KLHL4: variants seen among roughly 807,000 people sequenced by gnomAD.
The protein encoded by KLHL4 is kelch-like protein 4.
A neutral mutation model predicts 45.8 loss-of-function variants in KLHL4; 17 were observed. The observed-to-expected ratio is 0.37, with a 90% CI of 0.25 to 0.56. The LOEUF is 0.56. Ranked by LOEUF, KLHL4 falls within the 20% of genes least tolerant of loss-of-function variation. The pLI is 0.79. For missense variants in KLHL4, 544 were observed against 544.9 expected, an observed-to-expected ratio of 1.00 and a Z score of 0.02; for synonymous variants, 224 against 189.9, an observed-to-expected ratio of 1.18 and a Z score of -1.47.
At chrX:87,596,243 G>A (rs1036508379) in intron 1 of KLHL4, among the ~76,000 whole-genome samples, 2 of 112,029 alleles carry the variant, frequency 1.8e-5, no homozygotes, top group East Asian at 5.6e-4. Context: ...AAATGACATA[G>A]TGTCAGATAA....
chrX:87,529,576 T>A (rs11797227), intron 1 of KLHL4, among the ~76,000 whole-genome samples: 25,704 of 110,347 alleles, frequency 0.23, 2,382 homozygotes, highest in Non-Finnish European at 0.28. Context: ...TTAATCTTGA[T>A]CTTTTATTAT....
At chrX:87,661,503 C>T (rs1924188002) in intron 9 of KLHL4, among the ~76,000 whole-genome samples, 1 of 111,054 alleles carries the variant, frequency 9.0e-6, no homozygotes, top group Non-Finnish European at 1.9e-5. Context: ...CATATTCTAG[C>T]ACCATAGAGT....
In KLHL4 at chrX:87,592,863, G is replaced by A. The variant is rs750617689; in HGVS notation, c.423-21014G>A. ...GCAAATATTTTATCCCATTCTGTGG[G>A]TTGTATCTTCACTTTTTTGATTGTT... On this transcript the variant is annotated intron_variant, in intron 1 of 10. Coordinates refer to ENST00000373119, the MANE Select transcript of KLHL4 (RefSeq NM_019117.5). Among the ~76,000 whole-genome samples the A allele has an allele frequency of 4.5e-5, 5 of 111,820 alleles. No homozygotes were observed. In the South Asian group the frequency reaches 1.9e-3, roughly 42 times the overall value.
chrX:87,612,069 A>G (rs1204107835), intron 1 of KLHL4, among the ~76,000 whole-genome samples: 1 of 112,236 alleles, frequency 8.9e-6, no homozygotes, highest in Non-Finnish European at 1.9e-5. Context: ...TAAAGTTTGT[A>G]AAGTAAAAAA....
intron 1 of KLHL4, among the ~76,000 whole-genome samples, chrX:87,530,845 C>T (rs1259592840): frequency 9.2e-6 from 1 of 108,579 alleles, no homozygotes; most frequent in Non-Finnish European, 1.9e-5. Flanking sequence ...GGAATCGCCA[C>T]ACTGACTTCC....
At chrX:87,544,707 G>A (rs1602408643) in intron 1 of KLHL4, among the ~76,000 whole-genome samples, 1 of 111,822 alleles carries the variant, frequency 8.9e-6, no homozygotes, top group East Asian at 2.8e-4. Flanking sequence ...CATCAAGGCA[G>A]TACCTCTATG....
At chrX:87,530,259 T>G (rs1020469663) in intron 1 of KLHL4, among the ~76,000 whole-genome samples, 3 of 109,963 alleles carry the variant, frequency 2.7e-5, no homozygotes, top group Non-Finnish European at 5.7e-5. Flanking sequence ...GTTTTAGGTC[T>G]AACATTTAAG....
intron 9 of KLHL4, among the ~76,000 whole-genome samples, chrX:87,659,973 T>TGTGTGTGTGCAC (rs1233746320): frequency 1.8e-5 from 2 of 110,569 alleles, no homozygotes; most frequent in African/African-American, 6.6e-5. Context: ...TGTGTGTGTG[T>TGTGTGTGTGCAC]GTGTGTGTGC....
chrX:87,642,601 A>G (rs1330925638), intron 9 of KLHL4, among the ~76,000 whole-genome samples: 2 of 112,500 alleles, frequency 1.8e-5, no homozygotes, highest in African/African-American at 6.5e-5. Flanking sequence ...TAAGCTAATC[A>G]GGGAGGGACC....
intron 9 of KLHL4, among the ~76,000 whole-genome samples, chrX:87,641,923 G>A (rs1405283415): frequency 5.6e-5 from 6 of 108,105 alleles, no homozygotes; most frequent in Non-Finnish European, 1.2e-4. Flanking sequence ...GACATGCCTA[G>A]CCCCACCCCC....
At chrX:87,630,330 A>G (rs1199596844) in intron 6 of KLHL4, among the ~76,000 whole-genome samples, 1 of 111,221 alleles carries the variant, frequency 9.0e-6, no homozygotes, top group African/African-American at 3.3e-5. Context: ...GATTTTGTGT[A>G]ATTGGGATGA....
At chrX:87,533,859 GA>G (rs1931368137) in intron 1 of KLHL4, among the ~76,000 whole-genome samples, 1 of 111,054 alleles carries the variant, frequency 9.0e-6, no homozygotes, top group Non-Finnish European at 1.9e-5. Context: ...AGGAATTCAA[GA>G]GCTTTCTGTA....
intron 1 of KLHL4, among the ~76,000 whole-genome samples, chrX:87,575,402 G>A (rs1380593795): frequency 1.8e-5 from 2 of 111,525 alleles, no homozygotes; most frequent in African/African-American, 3.3e-5. Flanking sequence ...GTCTCATCCC[G>A]AAACCATCCC....
intron 9 of KLHL4, among the ~76,000 whole-genome samples, chrX:87,647,393 C>T (rs765331386): frequency 3.3e-4 from 37 of 111,557 alleles, no homozygotes; most frequent in Non-Finnish European, 1.1e-4. Context: ...GGGTATCTAT[C>T]GAGAGGAAAA....
At position 87,614,397 on chromosome X, in the gene KLHL4, A is replaced by G. The variant is rs1368137691; in HGVS notation, c.591-37A>G. The G allele has an allele frequency of 3.4e-6, 4 of 1,169,364 alleles. No individual in the cohort carries two copies. The African/African-American group carries it at 7.1e-5, about 21-fold the overall frequency. On this transcript the variant is annotated intron_variant, in intron 2 of 10. Transcript: ENST00000373119. ...TTCATGCTTTTCAGTGAAATTATTG[A>G]CTCATTTAAATTCCTACAAATATTT...
intron 10 of KLHL4, among the ~76,000 whole-genome samples, chrX:87,665,175 A>T (rs1355796405): frequency 9.0e-6 from 1 of 111,270 alleles, no homozygotes; most frequent in Non-Finnish European, 1.9e-5. Context: ...ATAAAAGGGG[A>T]CAGACCATTC....
At chrX:87,563,686 G>A (rs1300297038) in intron 1 of KLHL4, among the ~76,000 whole-genome samples, 1 of 108,250 alleles carries the variant, frequency 9.2e-6, no homozygotes, top group Admixed American at 9.9e-5. Flanking sequence ...AAAGAGATAA[G>A]GGTAGAAAGT....
At chrX:87,645,649 C>A (rs1281889636) in intron 9 of KLHL4, among the ~76,000 whole-genome samples, 1 of 111,397 alleles carries the variant, frequency 9.0e-6, no homozygotes, top group Non-Finnish European at 1.9e-5. Context: ...TGGAACCAAC[C>A]CAGATACCCA....
chrX:87,639,431 C>A (rs1159118641), intron 9 of KLHL4, among the ~76,000 whole-genome samples: 2 of 111,332 alleles, frequency 1.8e-5, no homozygotes, highest in Non-Finnish European at 3.8e-5. Flanking sequence ...CCAAGATAGA[C>A]CATATGACAA....
Sources: gnomAD v4.1 joint callset for allele counts (sites outside exome capture counted in the v4.1 genomes callset) on GRCh38, gnomAD v4.1.1 for gene constraint, MANE v1.5 for transcripts, NCBI Gene and HGNC (gene_info 2026-07-23, HGNC 2026-07-21) for gene names.